OOEP: variants seen among roughly 807,000 people sequenced by gnomAD.
OOEP encodes oocyte expressed protein.
In OOEP, 16 loss-of-function variants were observed where a neutral mutation model predicts 13.7. That is an observed-to-expected ratio of 1.16 (90% CI 0.79 to 1.77). The LOEUF is 1.77. Ranked by LOEUF, OOEP falls within the 40% of genes most tolerant of loss-of-function variation. The pLI, the probability that OOEP is intolerant of heterozygous loss-of-function variation, is 0.00. For missense variants in OOEP, 195 were observed against 193.1 expected (o/e 1.01, Z -0.06); for synonymous variants, 89 against 77.1 (o/e 1.15, Z -0.81).
intron 2 of OOEP, among the ~76,000 whole-genome samples, chr6:73,376,696 G>C (rs1296425723): frequency 6.6e-6 from 1 of 152,034 alleles, no homozygotes; most frequent in Non-Finnish European, 1.5e-5. Context: ...CTGTCACCCA[G>C]GCTGGAGTGC....
chr6:73,370,938 C>T (rs1202911922), upstream of OOEP, among the ~76,000 whole-genome samples: 1 of 152,098 alleles, frequency 6.6e-6, no homozygotes, highest in East Asian at 1.9e-4. Flanking sequence ...CCTGCCACCA[C>T]ACCCAGCTAT....
At chr6:73,382,883 C>A (rs1007034513) in intron 2 of OOEP, among the ~76,000 whole-genome samples, 1 of 115,412 alleles carries the variant, frequency 8.7e-6, no homozygotes, top group African/African-American at 3.3e-5. Context: ...GAGACAGAGT[C>A]TGACTCTGTC....
intron 2 of OOEP, among the ~76,000 whole-genome samples, chr6:73,376,356 T>TTG (rs1562278099): frequency 2.0e-5 from 3 of 146,694 alleles, no homozygotes; most frequent in African/African-American, 7.5e-5. Flanking sequence ...TTTTTTTTTT[T>TTG]TTTTTTTTTT....
intron 2 of OOEP, among the ~76,000 whole-genome samples, chr6:73,387,223 T>TAACC (rs1769286185): frequency 6.6e-6 from 1 of 150,932 alleles, no homozygotes; most frequent in African/African-American, 2.4e-5. Flanking sequence ...AAAGCAAAAA[T>TAACC]AACCACCAGG....
chr6:73,386,901 G>A (rs1769279470), intron 2 of OOEP, among the ~76,000 whole-genome samples: 1 of 146,830 alleles, frequency 6.8e-6, no homozygotes, highest in South Asian at 2.2e-4. Context: ...CCGGGAGGCG[G>A]AGGTTGCAGT....
At chr6:73,380,134 A>G (rs1271504342) in intron 2 of OOEP, among the ~76,000 whole-genome samples, 1 of 152,124 alleles carries the variant, frequency 6.6e-6, no homozygotes, top group Admixed American at 6.6e-5. Context: ...GACTCATTTC[A>G]TTATACAGTA....
intron 2 of OOEP, among the ~76,000 whole-genome samples, chr6:73,387,909 C>T (rs1769296695): frequency 6.6e-6 from 1 of 152,162 alleles, no homozygotes; most frequent in Non-Finnish European, 1.5e-5. Context: ...TGCTCTGTTG[C>T]CCATGCTGGA....
At chr6:73,381,205 T>TAAAAAAAAAAAAAAAAAAAAAAAAGAAAA (rs66507015) in intron 2 of OOEP, among the ~76,000 whole-genome samples, 1 of 101,000 alleles carries the variant, frequency 9.9e-6, no homozygotes, top group Non-Finnish European at 1.9e-5. Flanking sequence ...AAAAAAGTGT[T>TAAAAAAAAAAAAAAAAAAAAAAAAGAAAA]AAAAAAAAAA....
chr6:73,372,737 G>A (rs945008697), upstream of OOEP, among the ~76,000 whole-genome samples: 7 of 152,050 alleles, frequency 4.6e-5, no homozygotes, highest in Non-Finnish European at 8.8e-5. Context: ...ACTTGGCTGG[G>A]TTAATAGAAC....
rs60272343 is a variant in OOEP, at chr6:73,384,189, C to T, written c.25+10157G>A. Among the ~76,000 whole-genome samples the T allele has an allele frequency of 2.4e-3, 369 of 152,224 alleles. 2 individuals carry two copies. The highest frequency in any genetic ancestry group is 8.3e-3 in the African/African-American group (345 of 41,534). On this transcript the variant is annotated intron_variant, in intron 2 of 3. Transcript: ENST00000370363. ...GTAATACTACAGAACAACTATATGA[C>T]ATAAATTAGATAACCTAGATGGAAT...
chr6:73,392,646 TTTGAGATG>T (rs1432415226), intron 2 of OOEP, among the ~76,000 whole-genome samples: 1 of 139,326 alleles, frequency 7.2e-6, no homozygotes, highest in African/African-American at 2.7e-5. Context: ...TTTTTTTTTT[TTTGAGATG>T]GAGTCTCTCG....
At chr6:73,376,363 T>G (rs925886828) in intron 2 of OOEP, among the ~76,000 whole-genome samples, 12 of 111,458 alleles carry the variant, frequency 1.1e-4, no homozygotes, top group Middle Eastern at 4.3e-3. Context: ...TTTTTTTTTT[T>G]TTTTTTTTTG....
intron 2 of OOEP, among the ~76,000 whole-genome samples, chr6:73,383,661 G>A (rs1769235441): frequency 6.6e-6 from 1 of 152,042 alleles, no homozygotes; most frequent in Non-Finnish European, 1.5e-5. Context: ...AATGCAATCA[G>A]TGCAAGAAGG....
At position 73,369,323 on chromosome 6, in the gene OOEP, T is replaced by C. The variant is rs1769006428; in HGVS notation, c.253A>G (p.Ile85Val). The C allele has an allele frequency of 2.5e-6, 4 of 1,613,884 alleles. No homozygotes were observed. The highest frequency in any genetic ancestry group is 3.4e-6 in the Non-Finnish European group (4 of 1,179,860). The change falls in exon 2 of 3, where the codon ATA becomes GTA. Residue 85 changes from isoleucine (I) to valine (V), a missense_variant. Transcript: ENST00000370359. ...WTSQALLTVD[I>V]VDSGNLVEIT... The stretch of plus-strand genomic sequence containing the variant: ...TCGACTAGGTTCCCTGAGTCCACTA[T>C]GTCCACTGTCAGCAGGGCCTGGCTC...
At chr6:73,382,833 TGCTCAG>T (rs1234963725) in intron 2 of OOEP, among the ~76,000 whole-genome samples, 1 of 150,236 alleles carries the variant, frequency 6.7e-6, no homozygotes, top group African/African-American at 2.4e-5. Flanking sequence ...TGAGCCAATA[TGCTCAG>T]TGGTTTTTAA....
At chr6:73,394,564 G>A (rs1242338717) in intron 1 of OOEP, 1 of 522,316 alleles carries the variant, frequency 1.9e-6, no homozygotes, top group African/African-American at 2.0e-5. Context: ...AGTAGGGGAG[G>A]GAGCAAATTG....
At chr6:73,395,030 G>C (rs762493306) in exon 1 of OOEP, 1 of 1,614,260 alleles carries the variant, frequency 6.2e-7, no homozygotes, top group Non-Finnish European at 8.5e-7. Context: ...GGTCCTGAGG[G>C]ATATAGTGTC....
chr6:73,378,139 G>C (rs1769158059), intron 2 of OOEP, among the ~76,000 whole-genome samples: 1 of 149,678 alleles, frequency 6.7e-6, no homozygotes, highest in African/African-American at 2.5e-5. Flanking sequence ...ATCTCACTCT[G>C]ACACCCAGAT....
chr6:73,389,278 A>C (rs1386707410), intron 2 of OOEP, among the ~76,000 whole-genome samples: 4 of 152,132 alleles, frequency 2.6e-5, no homozygotes, highest in Admixed American at 1.3e-4. Context: ...CCAGGAGCAG[A>C]AGTCCCCGCC....
Sources: gnomAD v4.1 joint callset for allele counts (sites outside exome capture counted in the v4.1 genomes callset) on GRCh38, gnomAD v4.1.1 for gene constraint, MANE v1.5 for transcripts, NCBI Gene and HGNC (gene_info 2026-07-23, HGNC 2026-07-21) for gene names.